CNOT4: variants seen among roughly 807,000 people sequenced by gnomAD.
The protein encoded by CNOT4 is CCR4-NOT transcription complex subunit 4.
CNOT4 carries 8 observed loss-of-function variants against 73.8 expected under a neutral mutation model. The observed-to-expected ratio is 0.11, with a 90% CI of 0.06 to 0.20. The LOEUF (loss-of-function observed/expected upper bound fraction) is 0.20, where lower values mean the gene tolerates loss of function less well. Ranked by LOEUF, CNOT4 falls within the 10% of genes least tolerant of loss-of-function variation. The probability of loss-of-function intolerance (pLI) is 1.00; values close to 1 mark genes in which losing one functional copy is unlikely to be tolerated. For missense variants in CNOT4, 564 were observed against 883.4 expected, an observed-to-expected ratio of 0.64 and a Z score of 4.58; for synonymous variants, 293 against 321.1, an observed-to-expected ratio of 0.91 and a Z score of 0.94.
chr7:135,374,375 A>C (rs1795400763), intron 10 of CNOT4, among the ~76,000 whole-genome samples: 1 of 124,520 alleles, frequency 8.0e-6, no homozygotes, highest in Admixed American at 8.2e-5. Context: ...TGAATTCAGC[A>C]GTTTCTGGTA....
intron 1 of CNOT4, among the ~76,000 whole-genome samples, chr7:135,442,779 C>T (rs1023171143): frequency 2.0e-5 from 3 of 152,032 alleles, no homozygotes; most frequent in African/African-American, 7.2e-5. Context: ...CATTTTTAGC[C>T]ATAAACAGTG....
At position 135,410,495 on chromosome 7, in the gene CNOT4, CTATCAA is replaced by C; in HGVS notation, c.821+14_821+19del. 1 of 1,424,312 alleles carries C rather than the reference CTATCAA, an allele frequency of 7.0e-7. No individual in the cohort carries two copies. The highest frequency in any genetic ancestry group is 9.4e-7 in the Non-Finnish European group (1 of 1,064,428). The allele number at this position is 1,424,312 out of a possible 1,614,324, so 88.2% of individuals were successfully genotyped here. A position where few individuals can be genotyped will look rare whatever the true frequency, so the allele number is the denominator to read the frequency against. On this transcript the variant is annotated intron_variant, in intron 7 of 11. Transcript: ENST00000541284. ...ACTGATAAGAAGGTAAGATGTCTGA[CTATCAA>C]TATCAATACTTACGTATCGTACCTC... is the stretch of plus-strand genomic sequence containing the variant.
At chr7:135,476,302 A>C (rs1801991246) in intron 1 of CNOT4, among the ~76,000 whole-genome samples, 1 of 152,186 alleles carries the variant, frequency 6.6e-6, no homozygotes, top group South Asian at 2.1e-4. Flanking sequence ...AGCCCAGACA[A>C]CTGATATGGT....
At chr7:135,474,134 T>C (rs1801831614) in intron 1 of CNOT4, among the ~76,000 whole-genome samples, 3 of 151,318 alleles carry the variant, frequency 2.0e-5, no homozygotes. Context: ...TACCTGCCAC[T>C]GGGCCCGGCT....
At chr7:135,502,665 AC>A (rs1413877534) in intron 1 of CNOT4, among the ~76,000 whole-genome samples, 2 of 150,290 alleles carry the variant, frequency 1.3e-5, no homozygotes, top group East Asian at 4.0e-4. Flanking sequence ...AAATACAAAA[AC>A]TTAGCCAGGT....
intron 1 of CNOT4, among the ~76,000 whole-genome samples, chr7:135,471,209 T>C (rs1474881012): frequency 4.0e-5 from 6 of 151,790 alleles, no homozygotes; most frequent in Admixed American, 1.3e-4. Context: ...CTAAATTACA[T>C]AGTAAACCTT....
chr7:135,373,202 A>C (rs1337525150), intron 10 of CNOT4, among the ~76,000 whole-genome samples: 2 of 152,258 alleles, frequency 1.3e-5, no homozygotes, highest in Non-Finnish European at 2.9e-5. Flanking sequence ...GCTGAAAGCA[A>C]GACAAAGCTA....
Position 135,465,716 on chromosome 7 carries a change from T to C in CNOT4, c.-92-27293A>G, listed in dbSNP as rs893389672. On this transcript the variant is annotated intron_variant, in intron 1 of 11. Transcript: ENST00000541284. ...GTTTAGGTGTGGGCGAATGTAAGCATGTGTGTGTGTTTAACAAAAAAAAAA... is the reference window on the plus strand; with the variant it reads ...GTTTAGGTGTGGGCGAATGTAAGCACGTGTGTGTGTTTAACAAAAAAAAAA... Among the ~76,000 whole-genome samples the C allele has an allele frequency of 2.0e-5, 3 of 151,558 alleles. No homozygotes were observed. In the South Asian group the frequency reaches 6.3e-4, roughly 32 times the overall value.
intron 1 of CNOT4, among the ~76,000 whole-genome samples, chr7:135,468,684 CAA>C (rs34174386): frequency 1.3e-4 from 16 of 124,656 alleles, no homozygotes; most frequent in Admixed American, 1.7e-4. Flanking sequence ...GACTCTGTCT[CAA>C]AAAAAAAAAA....
At chr7:135,485,312 C>T (rs1802647235) in intron 1 of CNOT4, among the ~76,000 whole-genome samples, 1 of 152,132 alleles carries the variant, frequency 6.6e-6, no homozygotes, top group African/African-American at 2.4e-5. Flanking sequence ...CCTCATGATC[C>T]ACCTGCCTCG....
At chr7:135,388,447 T>C (rs558080653) in intron 10 of CNOT4, 1 of 986,058 alleles carries the variant, frequency 1.0e-6, no homozygotes, top group Non-Finnish European at 1.2e-6. Flanking sequence ...GAAAACAAGA[T>C]ACTACCATTA....
At position 135,499,017 on chromosome 7, in the gene CNOT4, T is replaced by C. The variant is rs1340749431; in HGVS notation, c.-93+10872A>G. ...TAAGGACTCATAGAGAATTCAATTA[T>C]TTTATAACTGATTACATAAAATTAA... On this transcript the variant is annotated intron_variant, in intron 1 of 11. Coordinates refer to ENST00000541284, the MANE Select transcript of CNOT4 (RefSeq NM_001190850.2). Among the ~76,000 whole-genome samples, 6 of 152,206 alleles carry C rather than the reference T, an allele frequency of 3.9e-5. No homozygotes were observed. The East Asian group carries it at 5.8e-4, about 15-fold the overall frequency.
At chr7:135,385,445 T>C (rs1038276192) in intron 10 of CNOT4, among the ~76,000 whole-genome samples, 6 of 152,230 alleles carry the variant, frequency 3.9e-5, no homozygotes, top group South Asian at 4.1e-4. Context: ...TCTGGCAGTC[T>C]TGACAGTGCT....
At chr7:135,401,046 A>T (rs1796975315) in intron 7 of CNOT4, among the ~76,000 whole-genome samples, 1 of 152,216 alleles carries the variant, frequency 6.6e-6, no homozygotes. Flanking sequence ...ATACATGGGT[A>T]ACCCCAATAG....
intron 1 of CNOT4, among the ~76,000 whole-genome samples, chr7:135,462,686 A>G (rs914037214): frequency 6.6e-6 from 1 of 152,250 alleles, no homozygotes; most frequent in Non-Finnish European, 1.5e-5. Context: ...AAAGCATTAG[A>G]AAATAAGGTG....
At chr7:135,397,008 C>T (rs1796731855) in intron 8 of CNOT4, among the ~76,000 whole-genome samples, 1 of 151,932 alleles carries the variant, frequency 6.6e-6, no homozygotes, top group South Asian at 2.1e-4. Context: ...TGTATAGTGT[C>T]ACCTCAATAC....
chr7:135,381,967 T>G (rs545559845), intron 10 of CNOT4, among the ~76,000 whole-genome samples: 3 of 152,280 alleles, frequency 2.0e-5, no homozygotes, highest in African/African-American at 7.2e-5. Context: ...GCTTGGAGCT[T>G]CCAGGAACTC....
At chr7:135,441,172 A>AGAAATGTTGT (rs1799457713) in intron 1 of CNOT4, among the ~76,000 whole-genome samples, 1 of 152,166 alleles carries the variant, frequency 6.6e-6, no homozygotes, top group Non-Finnish European at 1.5e-5. Flanking sequence ...TATTTCACAA[A>AGAAATGTTGT]AGACAAAACG....
intron 3 of CNOT4, among the ~76,000 whole-genome samples, chr7:135,418,240 G>C (rs1797977108): frequency 6.6e-6 from 1 of 152,184 alleles, no homozygotes; most frequent in Admixed American, 6.5e-5. Context: ...ATATTAACTT[G>C]AACACTCTAG....
Sources: allele counts gnomAD v4.1 joint callset (sites outside exome capture counted in the v4.1 genomes callset), GRCh38; gene constraint gnomAD v4.1.1; transcripts MANE v1.5; gene names NCBI Gene and HGNC (gene_info 2026-07-23, HGNC 2026-07-21).